Variants in DOK5 observed in about 807,000 individuals in gnomAD.
The protein encoded by DOK5 is docking protein 5.
A neutral mutation model predicts 43.3 loss-of-function variants in DOK5; 27 were observed. The observed-to-expected ratio is 0.62, with a 90% CI of 0.46 to 0.86. The LOEUF (loss-of-function observed/expected upper bound fraction) is 0.86. Ranked by LOEUF, DOK5 falls within the 40% of genes least tolerant of loss-of-function variation. DOK5 has a pLI of 0.00. For missense variants in DOK5, 373 were observed against 392.9 expected (o/e 0.95, Z 0.43); for synonymous variants, 146 against 140.1 (o/e 1.04, Z -0.30).
intron 1 of DOK5, among the ~76,000 whole-genome samples, chr20:54,481,105 CATCT>C (rs1239358457): frequency 4.0e-4 from 59 of 145,774 alleles, no homozygotes; most frequent in Non-Finnish European, 7.1e-4. Flanking sequence ...ATCTATCTAT[CATCT>C]ATCTATCTAT....
intron 6 of DOK5, among the ~76,000 whole-genome samples, chr20:54,641,539 TATCATCATCATCATC>T (rs56910547): frequency 4.7e-5 from 6 of 128,750 alleles, no homozygotes; most frequent in African/African-American, 1.0e-4. Flanking sequence ...AATTTCTAAT[TATCATCATCATCATC>T]ATCATCATCA....
chr20:54,637,470 T>G (rs1027993382), intron 6 of DOK5, among the ~76,000 whole-genome samples: 8 of 152,216 alleles, frequency 5.3e-5, no homozygotes, highest in Admixed American at 1.3e-4. Context: ...TAAACTCCCC[T>G]GCTGTTGGAT....
At chr20:54,502,654 G>A (rs374243404) in intron 1 of DOK5, among the ~76,000 whole-genome samples, 58 of 152,118 alleles carry the variant, frequency 3.8e-4, no homozygotes, top group African/African-American at 8.2e-4. Flanking sequence ...TGTGTACACC[G>A]CATTTTTTCC....
At chr20:54,641,751 G>A (rs542997220) in intron 6 of DOK5, among the ~76,000 whole-genome samples, 2 of 152,186 alleles carry the variant, frequency 1.3e-5, no homozygotes, top group Non-Finnish European at 1.5e-5. Context: ...TGTCTCCTTC[G>A]TGGTACGACA....
At chr20:54,520,513 T>C (rs1943791576) in intron 1 of DOK5, among the ~76,000 whole-genome samples, 1 of 152,130 alleles carries the variant, frequency 6.6e-6, no homozygotes, top group South Asian at 2.1e-4. Flanking sequence ...GTAAGGTGGC[T>C]CATACCCATA....
chr20:54,539,276 C>A (rs1228269701), intron 1 of DOK5, among the ~76,000 whole-genome samples: 1 of 94,126 alleles, frequency 1.1e-5, no homozygotes, highest in Non-Finnish European at 1.8e-5. Context: ...GAGGCTCCAT[C>A]TCCAAAAAAA....
At chr20:54,546,406 T>TA (rs1254917150) in intron 1 of DOK5, among the ~76,000 whole-genome samples, 21 of 152,280 alleles carry the variant, frequency 1.4e-4, no homozygotes, top group African/African-American at 4.8e-4. Flanking sequence ...TATCTTTTTT[T>TA]TTATTATTAT....
At chr20:54,479,204 G>C (rs1713535424) in intron 1 of DOK5, among the ~76,000 whole-genome samples, 1 of 152,080 alleles carries the variant, frequency 6.6e-6, no homozygotes, top group Non-Finnish European at 1.5e-5. Flanking sequence ...AATATGTATA[G>C]ATTTATTCTC....
At chr20:54,511,937 T>C (rs1313908031) in intron 1 of DOK5, among the ~76,000 whole-genome samples, 6 of 152,200 alleles carry the variant, frequency 3.9e-5, no homozygotes, top group Admixed American at 1.3e-4. Context: ...ATGTCCACCA[T>C]TGAATGAATC....
intron 1 of DOK5, among the ~76,000 whole-genome samples, chr20:54,476,512 C>T (rs996935547): frequency 3.3e-5 from 5 of 152,124 alleles, no homozygotes; most frequent in African/African-American, 9.7e-5. Context: ...TGGATCCCCC[C>T]ACCTCTGTCC....
chr20:54,512,361 A>G (rs56003098), intron 1 of DOK5, among the ~76,000 whole-genome samples: 5,341 of 152,342 alleles, frequency 0.035, 305 homozygotes, highest in African/African-American at 0.12. Flanking sequence ...TACTCAGACC[A>G]TCATGTCATT....
At chr20:54,520,744 C>T (rs1057181171) in intron 1 of DOK5, among the ~76,000 whole-genome samples, 2 of 152,034 alleles carry the variant, frequency 1.3e-5, no homozygotes, top group Non-Finnish European at 2.9e-5. Flanking sequence ...TATGATCATG[C>T]CACTGCACTC....
chr20:54,638,165 G>C (rs1239462519), intron 6 of DOK5, among the ~76,000 whole-genome samples: 2 of 151,316 alleles, frequency 1.3e-5, no homozygotes, highest in Non-Finnish European at 2.9e-5. Context: ...AGCAGTTCAT[G>C]GTCTAGAGCA....
chr20:54,480,954 C>CTATG (rs1168290592), intron 1 of DOK5, among the ~76,000 whole-genome samples: 2 of 126,256 alleles, frequency 1.6e-5, no homozygotes, highest in African/African-American at 7.6e-5. Flanking sequence ...TATCTATCAT[C>CTATG]TATCTATCAT....
intron 5 of DOK5, among the ~76,000 whole-genome samples, chr20:54,607,108 C>G (rs1986496307): frequency 6.6e-6 from 1 of 152,240 alleles, no homozygotes; most frequent in South Asian, 2.1e-4. Flanking sequence ...CAGGGATCAC[C>G]TGGCTGGCCT....
In DOK5 at chr20:54,533,051, T is replaced by C. The variant is rs570051673; in HGVS notation, c.67-21882T>C. 2.6e-4 allele frequency among the ~76,000 whole-genome samples: 40 copies of C among 152,362 alleles called. No homozygotes were observed. In the South Asian group the frequency reaches 8.3e-3, roughly 32 times the overall value. On this transcript the variant is annotated intron_variant, in intron 1 of 7. Coordinates refer to ENST00000262593, the MANE Select transcript of DOK5 (RefSeq NM_018431.5). Reference sequence around the variant, plus strand: ...ATCCAGTAGACCAAATTCTGATTAATTATTCCTTTTAAATCTGGGATAATG... The same window carrying C: ...ATCCAGTAGACCAAATTCTGATTAACTATTCCTTTTAAATCTGGGATAATG...
intron 2 of DOK5, 54 bp from the exon 3 acceptor site, chr20:54,588,429 T>C (rs1985876845): frequency 2.0e-6 from 3 of 1,471,104 alleles, no homozygotes; most frequent in African/African-American, 1.4e-5. Flanking sequence ...TGGTGTTGTA[T>C]ACTGGAGACA....
rs192836929 is a variant in DOK5 at position 54,583,535 on chromosome 20, C to T, written c.175-4948C>T. ...TCTTTCTCTCTTCAATTCTATCAATCAATGTTTACTTCATATATTTGGTTG... is the reference window on the plus strand; with the variant it reads ...TCTTTCTCTCTTCAATTCTATCAATTAATGTTTACTTCATATATTTGGTTG... On this transcript the variant is annotated intron_variant, in intron 2 of 7. Coordinates refer to ENST00000262593, the MANE Select transcript of DOK5 (RefSeq NM_018431.5). Among the ~76,000 whole-genome samples the T allele has an allele frequency of 2.4e-4, 37 of 152,224 alleles. No individual in the cohort carries two copies. The East Asian group carries it at 6.4e-3, about 26-fold the overall frequency.
intron 5 of DOK5, among the ~76,000 whole-genome samples, chr20:54,593,685 C>T (rs529545284): frequency 6.6e-6 from 1 of 152,288 alleles, no homozygotes; most frequent in South Asian, 2.1e-4. Flanking sequence ...GTTATAAAAA[C>T]ACATGCACAT....
Sources: gnomAD v4.1 joint callset for allele counts (sites outside exome capture counted in the v4.1 genomes callset) on GRCh38, gnomAD v4.1.1 for gene constraint, MANE v1.5 for transcripts, NCBI Gene and HGNC (gene_info 2026-07-23, HGNC 2026-07-21) for gene names.